SIL1: variants seen among roughly 807,000 people sequenced by gnomAD.
SIL1 encodes the protein SIL1 nucleotide exchange factor, also known as nucleotide exchange factor SIL1.
SIL1 carries 40 observed loss-of-function variants against 49.1 expected under a neutral mutation model. The observed-to-expected ratio is 0.81, with a 90% CI of 0.63 to 1.06. The LOEUF is 1.06. Among genes scored for constraint, SIL1 ranks in the 50% least tolerant of loss-of-function variants. The probability of loss-of-function intolerance (pLI) is 0.00; values close to 1 mark genes in which losing one functional copy is unlikely to be tolerated. For synonymous variants in SIL1, 253 were observed against 250.8 expected (o/e 1.01, Z -0.08); for missense variants, 500 against 572.6 (o/e 0.87, Z 1.29).
intron 1 of SIL1, among the ~76,000 whole-genome samples, chr5:139,136,675 G>A (rs1176060096): frequency 6.6e-6 from 1 of 152,064 alleles, no homozygotes; most frequent in Non-Finnish European, 1.5e-5. Context: ...TCAAAAGAGT[G>A]TCCACAGATG....
chr5:138,976,930 ACT>A (rs1360738028), intron 7 of SIL1, among the ~76,000 whole-genome samples: 1 of 152,054 alleles, frequency 6.6e-6, no homozygotes, highest in Non-Finnish European at 1.5e-5. Flanking sequence ...TCCTGAGCTG[ACT>A]CTCTGAGAGC....
At chr5:139,155,609 G>A (rs1751393277) in intron 1 of SIL1, 1 of 152,274 alleles carries the variant, frequency 6.6e-6, no homozygotes, top group South Asian at 2.1e-4. Flanking sequence ...TTGGGATTAG[G>A]ACTTCAACAT....
rs1268570788 is a variant in SIL1 at position 139,048,374 on chromosome 5, T to C, written c.353+2564A>G. The stretch of plus-strand genomic sequence containing the variant: ...TTTGCTTTTTTTTGTTGTTGGTTTT[T>C]TTTTTTTTTTTTTTTTTTTGAGACA... On this transcript the variant is annotated intron_variant, in intron 4 of 9. Coordinates refer to ENST00000394817, the MANE Select transcript of SIL1 (RefSeq NM_022464.5). Among the ~76,000 whole-genome samples, 7 of 135,496 alleles carry C rather than the reference T, an allele frequency of 5.2e-5. No individual in the cohort carries two copies. The East Asian group carries it at 1.4e-3, about 27-fold the overall frequency. The allele number at this position is 135,496 out of a possible 152,430, so 88.9% of individuals were successfully genotyped here.
chr5:139,072,172 G>A (rs1311532438), intron 3 of SIL1, among the ~76,000 whole-genome samples: 1 of 152,100 alleles, frequency 6.6e-6, no homozygotes, highest in East Asian at 1.9e-4. Context: ...TTTTATTATA[G>A]GAAGGGTCCA....
chr5:139,121,829 A>G (rs1459344501), intron 2 of SIL1, among the ~76,000 whole-genome samples: 1 of 152,178 alleles, frequency 6.6e-6, no homozygotes, highest in East Asian at 1.9e-4. Flanking sequence ...GTTGCCTTCC[A>G]CCCTGTGTAG....
In SIL1 at chr5:139,057,327, AAG is replaced by A. The variant is rs1258982311; in HGVS notation, c.245-6283_245-6282del. Among the ~76,000 whole-genome samples, 7 of 147,304 alleles carry A rather than the reference AAG, an allele frequency of 4.8e-5. 2 individuals are homozygous for A. Among genetic ancestry groups the A allele is most frequent in the South Asian group, 4.4e-4 (2 of 4,562 alleles). On this transcript the variant is annotated intron_variant, in intron 3 of 9. Coordinates refer to ENST00000394817, the MANE Select transcript of SIL1 (RefSeq NM_022464.5). ...AAGAATGATCAATAAAAAAAAAAAA[AAG>A]AAAAGAAAAGAACATCACTGCTAGC...
At chr5:138,988,149 A>G (rs1767683139) in intron 7 of SIL1, among the ~76,000 whole-genome samples, 1 of 152,122 alleles carries the variant, frequency 6.6e-6, no homozygotes, top group South Asian at 2.1e-4. Context: ...TTTACTTTTT[A>G]CTTTTTACAA....
chr5:139,000,072 C>T (rs897568668), intron 7 of SIL1, among the ~76,000 whole-genome samples: 1 of 152,116 alleles, frequency 6.6e-6, no homozygotes, highest in Non-Finnish European at 1.5e-5. Context: ...TTCCATTTTT[C>T]CCTGTTCAGT....
intron 1 of SIL1, among the ~76,000 whole-genome samples, chr5:139,159,015 G>T (rs1751456672): frequency 6.6e-6 from 1 of 151,732 alleles, no homozygotes; most frequent in African/African-American, 2.4e-5. Context: ...ACTAATCATG[G>T]TAAAGAATTT....
chr5:139,035,556 G>GGGGCCA (rs1262633784), intron 5 of SIL1: 1 of 489,976 alleles, frequency 2.0e-6, no homozygotes, highest in Non-Finnish European at 4.0e-6. Flanking sequence ...GCCAATCTTG[G>GGGGCCA]GGGCCAGTGC....
intron 6 of SIL1, among the ~76,000 whole-genome samples, chr5:139,026,024 C>T (rs1371911442): frequency 1.3e-5 from 2 of 152,164 alleles, no homozygotes; most frequent in African/African-American, 4.8e-5. Flanking sequence ...TTCACCCAGC[C>T]AACCCCAATC....
intron 1 of SIL1, among the ~76,000 whole-genome samples, chr5:139,139,387 C>T (rs1437460695): frequency 6.6e-6 from 1 of 152,160 alleles, no homozygotes; most frequent in Non-Finnish European, 1.5e-5. Flanking sequence ...ATCAGGGCCT[C>T]TTAAAGGGGC....
chr5:139,131,145 G>C (rs1328760882), intron 1 of SIL1, among the ~76,000 whole-genome samples: 1 of 152,114 alleles, frequency 6.6e-6, no homozygotes. Flanking sequence ...GAAAATTCAG[G>C]ATGTGTCAGT....
At chr5:139,121,390 T>C (rs1750634708) in intron 2 of SIL1, among the ~76,000 whole-genome samples, 1 of 152,220 alleles carries the variant, frequency 6.6e-6, no homozygotes, top group Non-Finnish European at 1.5e-5. Flanking sequence ...CCTGTGCGTA[T>C]GTGGTACTTT....
chr5:139,027,760 T>C (rs1418939234), intron 5 of SIL1, among the ~76,000 whole-genome samples: 2 of 152,198 alleles, frequency 1.3e-5, no homozygotes, highest in African/African-American at 4.8e-5. Context: ...AAAGAGAGTC[T>C]GAAAAGTCAC....
At chr5:139,073,753 C>A (rs1435412938) in intron 3 of SIL1, among the ~76,000 whole-genome samples, 1 of 151,814 alleles carries the variant, frequency 6.6e-6, no homozygotes, top group Non-Finnish European at 1.5e-5. Flanking sequence ...ACCAGCCTGG[C>A]CAACATGGTA....
At chr5:139,033,272 G>T (rs989499876) in intron 5 of SIL1, among the ~76,000 whole-genome samples, 1 of 152,048 alleles carries the variant, frequency 6.6e-6, no homozygotes, top group Non-Finnish European at 1.5e-5. Context: ...TGGGATTATA[G>T]GCGTGAGCCA....
rs371862634 is a variant in SIL1, at chr5:139,124,198, T to C, written c.106-3025A>G. ...GAAATCCTCCAAAATCCAGGTAGGCTGATGTTCATTTTAACTACTAAGGGT... is the reference window on the plus strand; with the variant it reads ...GAAATCCTCCAAAATCCAGGTAGGCCGATGTTCATTTTAACTACTAAGGGT... On this transcript the variant is annotated intron_variant, in intron 2 of 9. Coordinates refer to ENST00000394817, the MANE Select transcript of SIL1 (RefSeq NM_022464.5). Among the ~76,000 whole-genome samples, 36 of 152,332 alleles carry C rather than the reference T, an allele frequency of 2.4e-4. No homozygotes were observed. The South Asian group carries it at 6.6e-3, about 28-fold the overall frequency.
At chr5:138,963,547 A>C (rs1426152635) in intron 7 of SIL1, among the ~76,000 whole-genome samples, 1 of 152,240 alleles carries the variant, frequency 6.6e-6, no homozygotes, top group Non-Finnish European at 1.5e-5. Flanking sequence ...TACTTCGTTT[A>C]CAGGATTTGG....
Sources: allele counts gnomAD v4.1 joint callset (sites outside exome capture counted in the v4.1 genomes callset), GRCh38; gene constraint gnomAD v4.1.1; transcripts MANE v1.5; gene names NCBI Gene and HGNC (gene_info 2026-07-23, HGNC 2026-07-21).